The following CADM2 variants were observed in gnomAD, a reference collection of about 807,000 sequenced individuals.
CADM2 encodes the protein immunoglobulin superfamily member 4D.
Under a neutral mutation model 49.8 loss-of-function variants are expected in CADM2, and 12 were observed. That is an observed-to-expected ratio of 0.24 (90% confidence interval 0.15 to 0.39). CADM2 has a LOEUF of 0.39. Ranked by LOEUF, CADM2 falls within the 10% of genes least tolerant of loss-of-function variation. The probability of loss-of-function intolerance (pLI) is 1.00; values close to 1 mark genes in which losing one functional copy is unlikely to be tolerated. For missense variants in CADM2, 378 were observed against 492.3 expected (o/e 0.77, Z 2.20); for synonymous variants, 214 against 175.4 (o/e 1.22, Z -1.74).
At chr3:85,452,747 C>A (rs190131450) in intron 1 of CADM2, among the ~76,000 whole-genome samples, 2 of 152,214 alleles carry the variant, frequency 1.3e-5, no homozygotes, top group Admixed American at 1.3e-4. Flanking sequence ...AGTTGTCTTG[C>A]GGTAGCAGAT....
intron 1 of CADM2, among the ~76,000 whole-genome samples, chr3:85,258,921 G>A (rs1040627968): frequency 1.3e-5 from 2 of 152,092 alleles, no homozygotes; most frequent in African/African-American, 4.8e-5. Flanking sequence ...CTGTTCCAAA[G>A]TGAAAGCAGT....
intron 2 of CADM2, among the ~76,000 whole-genome samples, chr3:85,766,947 C>T (rs969498377): frequency 1.3e-5 from 2 of 152,014 alleles, no homozygotes; most frequent in African/African-American, 4.8e-5. Context: ...TCAGTTTTTG[C>T]CATCACTTTT....
Position 85,836,091 on chromosome 3 carries a change from A to G in CADM2, c.238+33895A>G, listed in dbSNP as rs28428564. Among the ~76,000 whole-genome samples, 411 of 151,662 alleles carry G rather than the reference A, an allele frequency of 2.7e-3. 1 individual carries two copies. Among genetic ancestry groups the G allele is most frequent in the African/African-American group, 9.6e-3 (397 of 41,484 alleles). On this transcript the variant is annotated intron_variant, in intron 3 of 9. Coordinates refer to ENST00000383699, the MANE Select transcript of CADM2 (RefSeq NM_001167675.2). ...GTTTTGAGCTGCCAAATGGAATAAA[A>G]ATGATGTTATTGACTTGTAACAAAG...
At chr3:85,450,059 C>A (rs973600457) in intron 1 of CADM2, among the ~76,000 whole-genome samples, 2 of 152,110 alleles carry the variant, frequency 1.3e-5, no homozygotes, top group African/African-American at 4.8e-5. Context: ...TTGTTCCTAT[C>A]AAAATAAATG....
chr3:85,898,956 T>TATATATATATATATATATATATATATATA (rs58838667), intron 5 of CADM2, among the ~76,000 whole-genome samples: 3 of 21,908 alleles, frequency 1.4e-4, no homozygotes, highest in East Asian at 1.5e-3. Context: ...TATATATATA[T>TATATATATATATATATATATATATATATA]TTTTTTTTTT....
chr3:85,927,621 T>C (rs184790100), intron 6 of CADM2, among the ~76,000 whole-genome samples: 1,713 of 152,314 alleles, frequency 0.011, 17 homozygotes, highest in Non-Finnish European at 0.016. Flanking sequence ...AACCAAAGAC[T>C]GTAATATAAG....
intron 1 of CADM2, among the ~76,000 whole-genome samples, chr3:85,332,801 G>A (rs2044965543): frequency 6.6e-6 from 1 of 151,746 alleles, no homozygotes; most frequent in African/African-American, 2.4e-5. Context: ...TAGTTTGCAA[G>A]TAGATTGAAG....
chr3:85,622,948 C>G lies in CADM2; in HGVS notation c.62-103574C>G, dbSNP rs577983759. 2.0e-5 allele frequency among the ~76,000 whole-genome samples: 3 copies of G among 152,178 alleles called. No homozygotes were observed. The South Asian group carries it at 6.2e-4, about 32-fold the overall frequency. ...TGGGATCATGTTTGTCCACATGTAT[C>G]TCATTCTTGGGAGCAAGCTCTTTCA... On this transcript the variant is annotated intron_variant, in intron 1 of 9. Coordinates refer to ENST00000383699, the MANE Select transcript of CADM2 (RefSeq NM_001167675.2).
intron 1 of CADM2, among the ~76,000 whole-genome samples, chr3:85,093,658 G>T (rs754158496): frequency 1.7e-4 from 26 of 151,912 alleles, no homozygotes; most frequent in South Asian, 6.2e-4. Flanking sequence ...TAATATTTCC[G>T]AGCACTAGCC....
In CADM2 at chr3:85,310,871, T is replaced by C. The variant is rs373133935; in HGVS notation, c.61+351203T>C. 2.6e-5 allele frequency among the ~76,000 whole-genome samples: 4 copies of C among 152,306 alleles called. No homozygotes were observed. The East Asian group carries it at 7.7e-4, about 29-fold the overall frequency. Reference sequence around the variant, plus strand: ...AGAACTTAGCTTTTCTCTATTAGTTTATAAAAATATATGTATTATATAGCC... The same window carrying C: ...AGAACTTAGCTTTTCTCTATTAGTTCATAAAAATATATGTATTATATAGCC... On this transcript the variant is annotated intron_variant, in intron 1 of 9. Transcript: ENST00000383699.
intron 8 of CADM2, among the ~76,000 whole-genome samples, chr3:86,044,174 CA>C (rs1420137009): frequency 6.6e-6 from 1 of 152,128 alleles, no homozygotes; most frequent in Non-Finnish European, 1.5e-5. Context: ...GTCTAAAACA[CA>C]AAAAGCAACG....
chr3:85,912,505 C>A lies in CADM2; in HGVS notation c.662C>A (p.Ala221Asp). 2.5e-6 allele frequency: 4 copies of A among 1,613,810 alleles called. No individual in the cohort carries two copies. The highest frequency in any genetic ancestry group is 3.4e-6 in the Non-Finnish European group (4 of 1,179,834). ...AGAGTAGATCACGAATCCCTCAATG[C>A]CACCCCTCAGGTAGCCATGCAGGTG... ...ICRVDHESLN[A>D]TPQVAMQVLE... is the part of the protein sequence containing the mutation. The change falls in exon 6 of 10, where the codon GCC (alanine) becomes GAC (aspartate). Residue 221 changes from alanine (A) to aspartate (D), a missense_variant. Ala to Asp is a moderately radical substitution (Grantham distance 126). Coordinates refer to ENST00000383699, the MANE Select transcript of CADM2 (RefSeq NM_001167675.2).
intron 1 of CADM2, among the ~76,000 whole-genome samples, chr3:85,230,923 C>T (rs1485235082): frequency 4.6e-5 from 7 of 151,828 alleles, no homozygotes; most frequent in East Asian, 1.9e-4. Flanking sequence ...TTGGCTTACA[C>T]GACAGACATT....
intron 1 of CADM2, among the ~76,000 whole-genome samples, chr3:84,975,024 T>A (rs932464261): frequency 6.6e-6 from 1 of 151,808 alleles, no homozygotes; most frequent in East Asian, 1.9e-4. Context: ...CTAATTGCAT[T>A]AAGTTTTTAA....
chr3:85,160,178 G>A (rs888709979), intron 1 of CADM2, among the ~76,000 whole-genome samples: 1 of 151,924 alleles, frequency 6.6e-6, no homozygotes, highest in African/African-American at 2.4e-5. Context: ...TCTAAATGAG[G>A]GTTTTCAGCA....
At chr3:85,340,350 C>T (rs1179901786) in intron 1 of CADM2, among the ~76,000 whole-genome samples, 1 of 151,356 alleles carries the variant, frequency 6.6e-6, no homozygotes, top group African/African-American at 2.4e-5. Flanking sequence ...CTGAAATTTC[C>T]TCATGAAGAA....
At chr3:85,884,216 A>G (rs1214731687) in intron 4 of CADM2, among the ~76,000 whole-genome samples, 2 of 152,180 alleles carry the variant, frequency 1.3e-5, no homozygotes, top group African/African-American at 4.8e-5. Flanking sequence ...TGCGTGCTGA[A>G]CAAGTTAGAA....
At chr3:86,030,254 G>C (rs1250394463) in intron 8 of CADM2, among the ~76,000 whole-genome samples, 4 of 151,882 alleles carry the variant, frequency 2.6e-5, no homozygotes, top group African/African-American at 9.7e-5. Flanking sequence ...ATATTTATTT[G>C]TATTCGAGTT....
chr3:85,742,883 T>A (rs550807716), intron 2 of CADM2, among the ~76,000 whole-genome samples: 1 of 152,290 alleles, frequency 6.6e-6, no homozygotes, highest in South Asian at 2.1e-4. Flanking sequence ...CTGTTTTCTT[T>A]CAAAGGGAAT....
Sources: gnomAD v4.1 joint callset for allele counts (sites outside exome capture counted in the v4.1 genomes callset) on GRCh38, gnomAD v4.1.1 for gene constraint, MANE v1.5 for transcripts, NCBI Gene and HGNC (gene_info 2026-07-23, HGNC 2026-07-21) for gene names.